The following UBE2E2 variants were observed in gnomAD, a reference collection of about 807,000 sequenced individuals.
The protein encoded by UBE2E2 is ubiquitin conjugating enzyme E2 E2.
UBE2E2 carries 6 observed loss-of-function variants against 24.7 expected under a neutral mutation model. That is an observed-to-expected ratio of 0.24 (90% CI 0.13 to 0.48). UBE2E2 has a LOEUF of 0.48. Among genes scored for constraint, UBE2E2 ranks in the 20% least tolerant of loss-of-function variants. The pLI is 0.99. For missense variants in UBE2E2, 169 were observed against 245.0 expected, an observed-to-expected ratio of 0.69 and a Z score of 2.07; for synonymous variants, 104 against 83.6, an observed-to-expected ratio of 1.24 and a Z score of -1.33.
rs192281695 is a variant in UBE2E2 at position 23,222,394 on chromosome 3, C to G, written c.227+5082C>G. Among the ~76,000 whole-genome samples, 375 of 152,286 alleles carry G rather than the reference C, an allele frequency of 2.5e-3. 4 individuals are homozygous for G. Among genetic ancestry groups the G allele is most frequent in the African/African-American group, 8.5e-3 (354 of 41,564 alleles). ...GCTTTGGCAATGTCCCCACCCAAAT[C>G]TCATCTTGAATTGTAGCTCCCATAA... On this transcript the variant is annotated intron_variant, in intron 3 of 5. Coordinates refer to ENST00000396703, the MANE Select transcript of UBE2E2 (RefSeq NM_152653.4).
At chr3:23,395,312 C>T (rs1014707838) in intron 3 of UBE2E2, among the ~76,000 whole-genome samples, 6 of 152,176 alleles carry the variant, frequency 3.9e-5, no homozygotes, top group African/African-American at 1.2e-4. Context: ...GGAGTTTCAG[C>T]ACCTAAAAAT....
At chr3:23,522,477 G>C (rs1293650682) in intron 4 of UBE2E2, among the ~76,000 whole-genome samples, 1 of 152,090 alleles carries the variant, frequency 6.6e-6, no homozygotes, top group Non-Finnish European at 1.5e-5. Flanking sequence ...TTTCTGTTTT[G>C]CTTTTTTGAG....
intron 3 of UBE2E2, among the ~76,000 whole-genome samples, chr3:23,322,936 G>A (rs1265360855): frequency 1.3e-5 from 2 of 151,612 alleles, no homozygotes; most frequent in Non-Finnish European, 2.9e-5. Context: ...TTTTCTATTA[G>A]ACAGGCATTT....
At chr3:23,484,518 C>T (rs889087546) in intron 3 of UBE2E2, among the ~76,000 whole-genome samples, 6 of 152,138 alleles carry the variant, frequency 3.9e-5, no homozygotes, top group Non-Finnish European at 7.4e-5. Flanking sequence ...CTTACCTTCT[C>T]TCTTGTTGCC....
chr3:23,227,417 A>G (rs377007099), intron 3 of UBE2E2, among the ~76,000 whole-genome samples: 7 of 152,166 alleles, frequency 4.6e-5, no homozygotes, highest in South Asian at 2.1e-4. Context: ...TGAATAACTG[A>G]AAGTTTATGT....
In UBE2E2 at chr3:23,217,286, C is replaced by T. The variant is rs765591964; in HGVS notation, c.201C>T (p.Ile67=). Residue 67 remains isoleucine (I), a synonymous_variant, in exon 3 of 6, where the codon ATC becomes ATT. Transcript: ENST00000396703. The part of the protein sequence containing the change: ...AKRIQKELAE[I]TLDPPPNCSA... ...GAATTCAGAAGGAACTTGCAGAAAT[C>T]ACATTGGACCCTCCTCCCAACTGTA... The T allele has an allele frequency of 2.5e-6, 4 of 1,612,592 alleles. No homozygotes were observed. In the East Asian group the frequency reaches 6.7e-5, roughly 27 times the overall value.
chr3:23,301,356 C>T (rs1296496479), intron 3 of UBE2E2, among the ~76,000 whole-genome samples: 2 of 152,162 alleles, frequency 1.3e-5, no homozygotes, highest in Admixed American at 6.6e-5. Flanking sequence ...GGAGGAGAGG[C>T]ACTCTGATTT....
Position 23,450,779 on chromosome 3 carries a change from A to C in UBE2E2, c.228-48829A>C, listed in dbSNP as rs1698546110. Among the ~76,000 whole-genome samples the C allele has an allele frequency of 2.0e-5, 3 of 152,162 alleles. 1 individual carries two copies. In the South Asian group the frequency reaches 6.2e-4, roughly 31 times the overall value. ...CACATTAAAATAACTTTTTCATTTT[A>C]TTTCTTTTTAATGAGAATATAAAAC... On this transcript the variant is annotated intron_variant, in intron 3 of 5. Transcript: ENST00000396703.
chr3:23,564,120 C>T (rs1198971444), intron 5 of UBE2E2, among the ~76,000 whole-genome samples: 2 of 151,660 alleles, frequency 1.3e-5, no homozygotes, highest in Non-Finnish European at 2.9e-5. Flanking sequence ...TATAGGTACA[C>T]GTACAAATGA....
At chr3:23,221,361 C>T (rs1017769146) in intron 3 of UBE2E2, among the ~76,000 whole-genome samples, 3 of 152,158 alleles carry the variant, frequency 2.0e-5, no homozygotes, top group South Asian at 2.1e-4. Flanking sequence ...AGTATAGTCT[C>T]GGAGTTTTGT....
intron 3 of UBE2E2, among the ~76,000 whole-genome samples, chr3:23,429,227 A>G (rs1697999882): frequency 6.6e-6 from 1 of 152,144 alleles, no homozygotes; most frequent in African/African-American, 2.4e-5. Context: ...AATTATACCA[A>G]TTTTCTCTAC....
intron 3 of UBE2E2, among the ~76,000 whole-genome samples, chr3:23,257,667 G>A (rs1418805719): frequency 6.6e-6 from 1 of 150,592 alleles, no homozygotes; most frequent in Non-Finnish European, 1.5e-5. Flanking sequence ...CACCATGGCT[G>A]GTTTTACTTT....
intron 3 of UBE2E2, among the ~76,000 whole-genome samples, chr3:23,255,640 A>T (rs1014316771): frequency 6.6e-6 from 1 of 152,204 alleles, no homozygotes; most frequent in Non-Finnish European, 1.5e-5. Flanking sequence ...TGATCAGTCT[A>T]AGCTCTCTCT....
chr3:23,384,875 A>T (rs1325281549), intron 3 of UBE2E2, among the ~76,000 whole-genome samples: 1 of 152,120 alleles, frequency 6.6e-6, no homozygotes, highest in Non-Finnish European at 1.5e-5. Context: ...ACTCATTTCA[A>T]ATTCTGTCTT....
intron 3 of UBE2E2, among the ~76,000 whole-genome samples, chr3:23,268,319 C>T (rs893281919): frequency 6.6e-6 from 1 of 150,434 alleles, no homozygotes; most frequent in Non-Finnish European, 1.5e-5. Context: ...ATTGTCTCAG[C>T]CCAAAATCTC....
intron 1 of UBE2E2, among the ~76,000 whole-genome samples, chr3:23,205,996 C>T (rs191306201): frequency 6.6e-6 from 1 of 152,274 alleles, no homozygotes; most frequent in Non-Finnish European, 1.5e-5. Flanking sequence ...AAACTCTCAG[C>T]ATAGTTTATT....
chr3:23,333,316 C>T (rs144951566), intron 3 of UBE2E2, among the ~76,000 whole-genome samples: 2 of 152,140 alleles, frequency 1.3e-5, no homozygotes, highest in Non-Finnish European at 2.9e-5. Context: ...ATGTCTCTTT[C>T]GAAGGCTATA....
intron 3 of UBE2E2, among the ~76,000 whole-genome samples, chr3:23,366,071 T>A (rs941078567): frequency 1.3e-5 from 2 of 152,138 alleles, no homozygotes; most frequent in African/African-American, 4.8e-5. Context: ...TGCAGTAGAT[T>A]GAAACGAACC....
At chr3:23,253,825 T>C (rs919688272) in intron 3 of UBE2E2, among the ~76,000 whole-genome samples, 1 of 152,192 alleles carries the variant, frequency 6.6e-6, no homozygotes, top group African/African-American at 2.4e-5. Flanking sequence ...TATATGTAAA[T>C]TGTGATTATG....
Sources: allele counts gnomAD v4.1 joint callset (sites outside exome capture counted in the v4.1 genomes callset), GRCh38; gene constraint gnomAD v4.1.1; transcripts MANE v1.5; gene names NCBI Gene and HGNC (gene_info 2026-07-23, HGNC 2026-07-21).